Variants in SKIDA1 observed in about 807,000 individuals in gnomAD.
SKIDA1 encodes SKI/DACH domain containing 1.
In SKIDA1, 18 loss-of-function variants were observed where a neutral mutation model predicts 51.4. That is an observed-to-expected ratio of 0.35 (90% CI 0.24 to 0.52). The LOEUF is 0.52. SKIDA1 is among the 20% of genes least tolerant of loss of function. The pLI, the probability that SKIDA1 is intolerant of heterozygous loss-of-function variation, is 0.95. For synonymous variants in SKIDA1, 579 were observed against 500.5 expected, an observed-to-expected ratio of 1.16 and a Z score of -2.09; for missense variants, 1,104 against 1,180.6, an observed-to-expected ratio of 0.94 and a Z score of 0.95.
rs1167508430 is a variant in SKIDA1, at chr10:21,517,361, C to G, written c.462G>C (p.Gln154His). Residue 154 changes from glutamine (Q) to histidine (H), a missense_variant, in exon 4 of 4, where the codon CAG (glutamine) becomes CAC (histidine). By Grantham distance (24) the Gln-to-His change is conservative. Transcript: ENST00000449193. The surrounding 1 kb of genome is among the most constrained non-coding windows in gnomAD (Gnocchi z 6.9). ...CGGCGGCGGCGCCCGGGCGCTGGGA[C>G]TGCGCGCTGATTGGCAGGGGCCGCG... ...GAARPLPISA[Q>H]SQRPGAAAAR... The G allele has an allele frequency of 1.4e-6, 2 of 1,412,944 alleles. No individual in the cohort carries two copies. Among genetic ancestry groups the G allele is most frequent in the Non-Finnish European group, 1.8e-6 (2 of 1,085,664 alleles). The allele number at this position is 1,412,944 out of a possible 1,614,324, so 87.5% of individuals were successfully genotyped here.
rs76875707 is a variant in SKIDA1 at position 21,516,111 on chromosome 10, A to C, written c.1712T>G (p.Ile571Ser). Reference protein sequence around the residue: ...SNAVKRTDLTINCLAEGASSP... With the variant: ...SNAVKRTDLTSNCLAEGASSP... ...AGAGGCCCCCTCTGCCAGGCAGTTA[A>C]TTGTCAGGTCAGTTCTCTTTACAGC... Residue 571 changes from isoleucine (I) to serine (S), a missense_variant, in exon 4 of 4, where the codon ATT (isoleucine) becomes AGT (serine). Ile to Ser is a moderately radical substitution (Grantham distance 142). Transcript: ENST00000449193. The surrounding 1 kb of genome is among the most constrained non-coding windows in gnomAD (Gnocchi z 5.7). 2.9e-5 allele frequency: 46 copies of C among 1,613,992 alleles called. No homozygotes were observed. Among genetic ancestry groups the C allele is most frequent in the Non-Finnish European group, 3.6e-5 (43 of 1,179,886 alleles).
rs2032210534 is a variant in SKIDA1, at chr10:21,516,536, C to T, written c.1287G>A (p.Gly429=). Reference sequence around the variant, plus strand: ...CACTGGAATCCGAGGCCCCGCTGCCCCCCTCCTCCTCCTCTTCCTCCTCCT... The same window carrying T: ...CACTGGAATCCGAGGCCCCGCTGCCTCCCTCCTCCTCCTCTTCCTCCTCCT... ...EEEEEEEEEE[G]GSGASDSSEV... Residue 429 remains glycine (G), a synonymous_variant, in exon 4 of 4, where the codon GGG becomes GGA. Transcript: ENST00000449193. This position sits in a 1 kb window ranked among gnomAD's most constrained non-coding sequence, Gnocchi z 5.7. 1 of 1,502,486 alleles carries T rather than the reference C, an allele frequency of 6.7e-7. No individual in the cohort carries two copies. The highest frequency in any genetic ancestry group is 1.2e-5 in the South Asian group (1 of 84,370). 93.1% of individuals were successfully genotyped at this position (1,502,486 alleles called of 1,614,324 possible).
chr10:21,523,645 TAG>T (rs2032508660), intron 2 of SKIDA1, 36 bp downstream of exon 2: 1 of 152,130 alleles, frequency 6.6e-6, no homozygotes, highest in South Asian at 2.1e-4. Flanking sequence ...GCCAAACATA[TAG>T]AGACTGAAGT....
At chr10:21,520,526 A>G (rs2032365029) in intron 3 of SKIDA1, among the ~76,000 whole-genome samples, 3 of 120,742 alleles carry the variant, frequency 2.5e-5, no homozygotes, top group African/African-American at 9.4e-5. Context: ...CCAAAGAGTC[A>G]GCCAAGAAAT....
intron 3 of SKIDA1, among the ~76,000 whole-genome samples, 200 bp downstream of exon 3, chr10:21,521,189 T>C (rs985869579): frequency 6.6e-6 from 1 of 152,126 alleles, no homozygotes; most frequent in Non-Finnish European, 1.5e-5. Flanking sequence ...TAAAAAGATC[T>C]AGCAGAGGCC....
rs2032228709 is a variant in SKIDA1 at position 21,516,829 on chromosome 10, A to G, written c.994T>C (p.Phe332Leu). ...TGGTGGTGGTGCGGAGGCGGGCAGA[A>G]GCCGTTGACCAGATGAAACCTCTCC... Reference protein sequence around the residue: ...CLERFHLVNGFCPPPHHHHHH... With the variant: ...CLERFHLVNGLCPPPHHHHHH... The change falls in exon 4 of 4, where the codon TTC becomes CTC. Residue 332 changes from phenylalanine to leucine, a missense_variant. Physicochemically the swap from Phe to Leu is conservative, Grantham distance 22 (BLOSUM62 0). This residue lies in a region of SKIDA1 where 938 missense variants were observed against 886.4 expected (regional missense o/e 1.06). Transcript: ENST00000449193. This position sits in a 1 kb window ranked among gnomAD's most constrained non-coding sequence, Gnocchi z 5.7. The G allele has an allele frequency of 1.3e-6, 2 of 1,541,940 alleles. No individual in the cohort carries two copies. Among genetic ancestry groups the G allele is most frequent in the Non-Finnish European group, 1.7e-6 (2 of 1,145,356 alleles).
At chr10:21,519,928 T>C in intron 3 of SKIDA1, among the ~76,000 whole-genome samples, 1 of 141,866 alleles carries the variant, frequency 7.0e-6, no homozygotes, top group South Asian at 2.2e-4. Flanking sequence ...ATTAAGGAAG[T>C]CTATTTAAGA....
In SKIDA1 at chr10:21,514,417, G is replaced by T. The variant is rs1377513326; in HGVS notation, c.*679C>A. The T allele has an allele frequency of 6.7e-6, 1 of 148,640 alleles. No individual in the cohort carries two copies. The highest frequency in any genetic ancestry group is 1.5e-5 in the Non-Finnish European group (1 of 67,448). 9.2% of individuals were successfully genotyped at this position (148,640 alleles called of 1,614,324 possible). On this transcript the variant is annotated 3_prime_UTR_variant, in exon 4 of 4. Coordinates refer to ENST00000449193, the MANE Select transcript of SKIDA1 (RefSeq NM_207371.4). ...CCCTTTACAAAAAAAATACAATTCC[G>T]TATTTATTTTACTCAGTATGTATGA...
chr10:21,517,405 G>T lies in SKIDA1; in HGVS notation c.418C>A (p.Arg140=), dbSNP rs2032277115. The T allele has an allele frequency of 4.1e-6, 6 of 1,462,708 alleles. No individual in the cohort carries two copies. Among genetic ancestry groups the T allele is most frequent in the African/African-American group, 1.5e-5 (1 of 68,224 alleles). The allele number at this position is 1,462,708 out of a possible 1,614,324, so 90.6% of individuals were successfully genotyped here. A position where few individuals can be genotyped will look rare whatever the true frequency, so the allele number is the denominator to read the frequency against. Residue 140 remains arginine (R), a synonymous_variant, in exon 4 of 4, where the codon CGG becomes AGG. Transcript: ENST00000449193. The surrounding 1 kb of genome is among the most constrained non-coding windows in gnomAD (Gnocchi z 6.9). Reference sequence around the variant, plus strand: ...GGCCGCGCGGCTCCGCTCAGGCCCCGCCAAAGTTGGTGCTTGTCCTTCCAA... The same window carrying T: ...GGCCGCGCGGCTCCGCTCAGGCCCCTCCAAAGTTGGTGCTTGTCCTTCCAA... ...GFWKDKHQLW[R]GLSGAARPLP...
intron 2 of SKIDA1, among the ~76,000 whole-genome samples, chr10:21,522,345 G>C (rs542788189): frequency 4.0e-5 from 5 of 124,394 alleles, no homozygotes; most frequent in Admixed American, 2.3e-4. Context: ...GGCACATTTT[G>C]TTCAAAGTGA....
intron 3 of SKIDA1, among the ~76,000 whole-genome samples, chr10:21,521,058 G>A (rs866110078): frequency 1.0e-4 from 15 of 146,766 alleles, no homozygotes; most frequent in Admixed American, 8.1e-4. Context: ...ATGAGTGCAT[G>A]CACACACACA....
chr10:21,522,127 C>A (rs575816072), intron 2 of SKIDA1, among the ~76,000 whole-genome samples: 2 of 152,224 alleles, frequency 1.3e-5, no homozygotes, highest in African/African-American at 4.8e-5. Context: ...CTTTTGAAAA[C>A]CTGAAGGAAA....
At position 21,517,490 on chromosome 10, in the gene SKIDA1, G is replaced by C. The variant is rs751948979; in HGVS notation, c.333C>G (p.Ala111=). ...CTGGCGGCGGCGCCTTTGTGGCCAG[G>C]GCCCGGCCGACCCGCCTGCGCTTGG... The part of the protein sequence containing the change: ...LKTKRRRVGR[A]LATKAPPPER... The change falls in exon 4 of 4, where the codon GCC becomes GCG. Residue 111 remains alanine (A), a synonymous_variant. Coordinates refer to ENST00000449193, the MANE Select transcript of SKIDA1 (RefSeq NM_207371.4). This position sits in a 1 kb window ranked among gnomAD's most constrained non-coding sequence, Gnocchi z 6.9. 1.1e-5 allele frequency: 17 copies of C among 1,550,456 alleles called. No individual in the cohort carries two copies. Among genetic ancestry groups the C allele is most frequent in the Non-Finnish European group, 1.7e-6 (2 of 1,147,644 alleles).
chr10:21,520,441 C>T (rs1244798223), intron 3 of SKIDA1, among the ~76,000 whole-genome samples: 1 of 151,822 alleles, frequency 6.6e-6, no homozygotes, highest in Admixed American at 6.6e-5. Flanking sequence ...TTCTGATGCA[C>T]TTATATAGTA....
At chr10:21,523,938 G>GT (rs1417102618) in intron 1 of SKIDA1, 67 bp from the exon 2 acceptor site, 38 of 150,288 alleles carry the variant, frequency 2.5e-4, no homozygotes, top group African/African-American at 9.3e-4. Flanking sequence ...GGATACACAA[G>GT]TATCATTTCA....
chr10:21,517,785 C>T lies in SKIDA1; in HGVS notation c.38G>A (p.Gly13Asp). 6.2e-7 allele frequency: 1 copy of T among 1,611,870 alleles called. No individual in the cohort carries two copies. The highest frequency in any genetic ancestry group is 8.5e-7 in the Non-Finnish European group (1 of 1,178,204). ...AATGATGAGGTAGCCGAGCCTCACG[C>T]CATCCACCTCTTCAAAACCTGACTT... ...DLKSGFEEVD[G>D]VRLGYLIIKG... is the part of the protein sequence containing the mutation. Residue 13 changes from glycine (G) to aspartate (D), a missense_variant, in exon 4 of 4, where the codon GGC becomes GAC. Gly to Asp is a moderately conservative substitution (Grantham distance 94). This residue lies in a region of SKIDA1 where 54 missense variants were observed against 126.0 expected (regional missense o/e 0.43). Transcript: ENST00000449193. This position sits in a 1 kb window ranked among gnomAD's most constrained non-coding sequence, Gnocchi z 6.9.
chr10:21,516,386 C>T lies in SKIDA1; in HGVS notation c.1437G>A (p.Ala479=). ...CCAGATGGTACAAGAAGTTGGCCTG[C>T]GCCTGCACGCTGGGAGGCTTGCAGA... ...TSFCKPPSVQ[A]QANFLYHLAS... Residue 479 remains alanine, a synonymous_variant, in exon 4 of 4, where the codon GCG becomes GCA. Transcript: ENST00000449193. This position sits in a 1 kb window ranked among gnomAD's most constrained non-coding sequence, Gnocchi z 5.7. 6.2e-7 allele frequency: 1 copy of T among 1,613,362 alleles called. No individual in the cohort carries two copies. The highest frequency in any genetic ancestry group is 8.5e-7 in the Non-Finnish European group (1 of 1,179,872).
At chr10:21,520,939 TTAA>T (rs1435049267) in intron 3 of SKIDA1, among the ~76,000 whole-genome samples, 2 of 152,160 alleles carry the variant, frequency 1.3e-5, no homozygotes, top group African/African-American at 2.4e-5. Flanking sequence ...TTATACATTT[TTAA>T]TACTACTATT....
At position 21,516,958 on chromosome 10, in the gene SKIDA1, C is replaced by T; in HGVS notation, c.865G>A (p.Ala289Thr). 1 of 1,180,212 alleles carries T rather than the reference C, an allele frequency of 8.5e-7. No homozygotes were observed. The highest frequency in any genetic ancestry group is 1.1e-6 in the Non-Finnish European group (1 of 951,078). 73.1% of individuals were successfully genotyped at this position (1,180,212 alleles called of 1,614,324 possible). A position where few individuals can be genotyped will look rare whatever the true frequency, so the allele number is the denominator to read the frequency against. ...CTGGGCAACAGCAGCAGGCGCCGCGCGCCGGCGTGAGGCGCGAGCAGGCAG... is the reference window on the plus strand; with the variant it reads ...CTGGGCAACAGCAGCAGGCGCCGCGTGCCGGCGTGAGGCGCGAGCAGGCAG... ...KDCLLAPHAGARRLLLLPRSY... is the reference protein window; with the variant it reads ...KDCLLAPHAGTRRLLLLPRSY... Residue 289 changes from alanine (A) to threonine (T), a missense_variant, in exon 4 of 4, where the codon GCG becomes ACG. Ala to Thr is a moderately conservative substitution (Grantham distance 58). This residue lies in a region of SKIDA1 where 938 missense variants were observed against 886.4 expected (regional missense o/e 1.06). Transcript: ENST00000449193. The surrounding 1 kb of genome is among the most constrained non-coding windows in gnomAD (Gnocchi z 5.7).
Sources: gnomAD v4.1 joint callset for allele counts (sites outside exome capture counted in the v4.1 genomes callset) on GRCh38, gnomAD v4.1.1 for gene constraint, gnomAD v4.1.1 regional missense constraint, Gnocchi (gnomAD v3.1) non-coding constraint, MANE v1.5 for transcripts, NCBI Gene and HGNC (gene_info 2026-07-23, HGNC 2026-07-21) for gene names.